Variants in NUBPL observed in about 807,000 individuals in gnomAD.
NUBPL encodes the protein NUBP iron-sulfur cluster assembly factor, mitochondrial.
Under a neutral mutation model 45.7 loss-of-function variants are expected in NUBPL, and 31 were observed. The observed-to-expected ratio is 0.68, with a 90% CI of 0.51 to 0.92. The LOEUF (loss-of-function observed/expected upper bound fraction) is 0.92. NUBPL is among the 40% of genes least tolerant of loss of function. NUBPL has a pLI of 0.00. For synonymous variants in NUBPL, 144 were observed against 140.9 expected (o/e 1.02, Z -0.15); for missense variants, 401 against 398.7 (o/e 1.01, Z -0.05).
chr14:31,566,541 TG>T (rs2033440199), intron 3 of NUBPL, among the ~76,000 whole-genome samples: 1 of 152,118 alleles, frequency 6.6e-6, no homozygotes, highest in African/African-American at 2.4e-5. Context: ...TTCTTTTTTT[TG>T]TTTTTCTGAA....
At chr14:31,663,283 C>CT (rs2036319961) in intron 4 of NUBPL, among the ~76,000 whole-genome samples, 1 of 152,094 alleles carries the variant, frequency 6.6e-6, no homozygotes, top group Admixed American at 6.5e-5. Context: ...GTTGCCATTG[C>CT]TTTTGGTGTT....
In NUBPL at chr14:31,647,503, C is replaced by G. The variant is rs1277496259; in HGVS notation, c.383-25852C>G. ...TGCCCATCTCAAATGGGGGAGGTCT[C>G]AAATGGAATATTCTGGCAATGTTGG... On this transcript the variant is annotated intron_variant, in intron 4 of 10. Coordinates refer to ENST00000281081, the MANE Select transcript of NUBPL (RefSeq NM_025152.3). Among the ~76,000 whole-genome samples the G allele has an allele frequency of 2.6e-5, 4 of 152,266 alleles. No homozygotes were observed. In the East Asian group the frequency reaches 7.7e-4, roughly 29 times the overall value.
At chr14:31,612,392 C>T (rs945434654) in intron 4 of NUBPL, among the ~76,000 whole-genome samples, 1 of 152,126 alleles carries the variant, frequency 6.6e-6, no homozygotes, top group Non-Finnish European at 1.5e-5. Context: ...AGGCTGGGCG[C>T]AGTGGCTCAC....
intron 4 of NUBPL, among the ~76,000 whole-genome samples, chr14:31,638,166 G>A (rs911110338): frequency 2.0e-5 from 3 of 151,692 alleles, no homozygotes; most frequent in Non-Finnish European, 2.9e-5. Flanking sequence ...GTTAGTTGAT[G>A]CAATTTCTTC....
intron 4 of NUBPL, among the ~76,000 whole-genome samples, chr14:31,648,889 A>T (rs1595433680): frequency 6.6e-6 from 1 of 152,036 alleles, no homozygotes; most frequent in Admixed American, 6.6e-5. Flanking sequence ...GCTCACTGCA[A>T]CCTCCGCCTC....
chr14:31,826,706 C>T lies in NUBPL; in HGVS notation c.685C>T (p.His229Tyr), dbSNP rs35867418. 7.5e-4 allele frequency: 1,212 copies of T among 1,613,664 alleles called. 9 individuals carry two copies. Among genetic ancestry groups the T allele is most frequent in the Admixed American group, 1.1e-3 (63 of 59,996 alleles). Reference protein sequence around the residue: ...HKGAEMFRRVHVPVLGLVQNM... With the variant: ...HKGAEMFRRVYVPVLGLVQNM... ...GGGTGCTGAGATGTTTCGCAGAGTC[C>T]ACGTGCCCGTAAGCGTTTACAGCTT... Residue 229 changes from histidine (H) to tyrosine (Y), a missense_variant, in exon 8 of 11, where the codon CAC becomes TAC. Transcript: ENST00000281081.
At chr14:31,655,594 T>G (rs1468336640) in intron 4 of NUBPL, among the ~76,000 whole-genome samples, 1 of 152,148 alleles carries the variant, frequency 6.6e-6, no homozygotes, top group Non-Finnish European at 1.5e-5. Flanking sequence ...GCATCTGTAG[T>G]CTCAGCTACT....
At chr14:31,705,162 G>A (rs2037419787) in intron 6 of NUBPL, among the ~76,000 whole-genome samples, 1 of 151,814 alleles carries the variant, frequency 6.6e-6, no homozygotes, top group Non-Finnish European at 1.5e-5. Flanking sequence ...GGAGTTGTTT[G>A]TTACTCTCAT....
chr14:31,655,312 G>T (rs533966763), intron 4 of NUBPL, among the ~76,000 whole-genome samples: 2 of 152,304 alleles, frequency 1.3e-5, no homozygotes, highest in Admixed American at 6.5e-5. Context: ...TCCACAGGCT[G>T]CAGAATGGAT....
intron 6 of NUBPL, among the ~76,000 whole-genome samples, chr14:31,723,814 A>G (rs1233843948): frequency 6.6e-6 from 1 of 152,156 alleles, no homozygotes; most frequent in African/African-American, 2.4e-5. Context: ...AATGTTGCTG[A>G]AGTTGTTTAT....
intron 6 of NUBPL, among the ~76,000 whole-genome samples, chr14:31,757,873 A>C (rs1411147172): frequency 6.6e-6 from 1 of 152,128 alleles, no homozygotes; most frequent in Non-Finnish European, 1.5e-5. Context: ...TGCTTACCCA[A>C]GTTCAGAGTA....
chr14:31,595,904 GA>G (rs1266362432), intron 3 of NUBPL, among the ~76,000 whole-genome samples: 10 of 134,768 alleles, frequency 7.4e-5, no homozygotes, highest in African/African-American at 1.8e-4. Flanking sequence ...AATGGACACT[GA>G]TTTTTTTTTT....
At chr14:31,672,088 G>A (rs1270860169) in intron 4 of NUBPL, among the ~76,000 whole-genome samples, 3 of 152,216 alleles carry the variant, frequency 2.0e-5, no homozygotes, top group Admixed American at 1.3e-4. Context: ...ATCATTTGTT[G>A]ACTATATAAA....
At chr14:31,586,893 C>T (rs2034008944) in intron 3 of NUBPL, among the ~76,000 whole-genome samples, 1 of 152,114 alleles carries the variant, frequency 6.6e-6, no homozygotes, top group African/African-American at 2.4e-5. Flanking sequence ...TGCCATTTTC[C>T]AAAATGAATT....
chr14:31,840,473 C>T (rs1418601965), intron 8 of NUBPL, among the ~76,000 whole-genome samples: 3 of 150,894 alleles, frequency 2.0e-5, no homozygotes, highest in African/African-American at 4.9e-5. Context: ...ACTGGGGAGG[C>T]GGAGGTAGGA....
At chr14:31,644,643 G>A (rs533678037) in intron 4 of NUBPL, among the ~76,000 whole-genome samples, 8 of 152,186 alleles carry the variant, frequency 5.3e-5, no homozygotes, top group African/African-American at 1.9e-4. Context: ...TGGGTGAAAT[G>A]TTCTGTAAAT....
intron 6 of NUBPL, among the ~76,000 whole-genome samples, chr14:31,689,133 G>C (rs1424057613): frequency 1.3e-5 from 2 of 152,120 alleles, no homozygotes; most frequent in Admixed American, 6.5e-5. Flanking sequence ...GAACATACAA[G>C]TGCATGTGTC....
At position 31,813,725 on chromosome 14, in the gene NUBPL, A is replaced by C. The variant is rs537710581; in HGVS notation, c.608-12904A>C. Among the ~76,000 whole-genome samples, 3 of 151,926 alleles carry C rather than the reference A, an allele frequency of 2.0e-5. No homozygotes were observed. The South Asian group carries it at 6.2e-4, about 32-fold the overall frequency. ...GACAGACCCTGGTGTGTGATATTCC[A>C]TTCCCTATGTCCATGTTTTCTCTTT... On this transcript the variant is annotated intron_variant, in intron 7 of 10. Coordinates refer to ENST00000281081, the MANE Select transcript of NUBPL (RefSeq NM_025152.3).
intron 6 of NUBPL, among the ~76,000 whole-genome samples, chr14:31,678,120 C>A (rs2036744904): frequency 6.6e-6 from 1 of 152,208 alleles, no homozygotes; most frequent in Admixed American, 6.5e-5. Context: ...TAGGCTTCCA[C>A]TGATGTTCAC....
Sources: gnomAD v4.1 joint callset for allele counts (sites outside exome capture counted in the v4.1 genomes callset) on GRCh38, gnomAD v4.1.1 for gene constraint, MANE v1.5 for transcripts, NCBI Gene and HGNC (gene_info 2026-07-23, HGNC 2026-07-21) for gene names.